The following PTK2 variants were observed in gnomAD, a reference collection of about 807,000 sequenced individuals.
The protein encoded by PTK2 is focal adhesion kinase 1.
Under a neutral mutation model 150.1 loss-of-function variants are expected in PTK2, and 45 were observed. That is an observed-to-expected ratio of 0.30 (90% CI 0.24 to 0.38). PTK2 has a LOEUF of 0.38. Ranked by LOEUF, PTK2 falls within the 10% of genes least tolerant of loss-of-function variation. The pLI is 1.00. For missense variants in PTK2, 919 were observed against 1,307.3 expected, an observed-to-expected ratio of 0.70 and a Z score of 4.58; for synonymous variants, 432 against 449.2, an observed-to-expected ratio of 0.96 and a Z score of 0.48.
chr8:140,730,954 C>T (rs200352723), intron 22 of PTK2, among the ~76,000 whole-genome samples: 52 of 15,352 alleles, frequency 3.4e-3, no homozygotes, highest in African/African-American at 0.021. Context: ...TTAAATTAAA[C>T]CCCCCCCCCC....
At chr8:140,658,063 A>G (rs944920701) in exon 32 of PTK2, 3 of 152,090 alleles carry the variant, frequency 2.0e-5, no homozygotes, top group African/African-American at 7.2e-5. Flanking sequence ...AAATGCTAAC[A>G]ATTTCCTTGA....
chr8:140,914,900 G>A (rs1437861120), intron 2 of PTK2, among the ~76,000 whole-genome samples: 1 of 151,888 alleles, frequency 6.6e-6, no homozygotes, highest in Non-Finnish European at 1.5e-5. Flanking sequence ...GGGCATAGTG[G>A]TGCATGCCTG....
intron 14 of PTK2, among the ~76,000 whole-genome samples, chr8:140,779,542 G>A (rs951693282): frequency 6.6e-6 from 1 of 152,148 alleles, no homozygotes; most frequent in South Asian, 2.1e-4. Flanking sequence ...GAGGCACCAA[G>A]GGGTATCAGT....
rs1263226512 is a variant in PTK2 at position 140,870,744 on chromosome 8, T to A, written c.363-6345A>T. ...CACCTAATTTGGATCCTAATTCAAA[T>A]AATTTATCTTTAAAAATTTTGTCAT... On this transcript the variant is annotated intron_variant, in intron 4 of 31. Transcript: ENST00000522684. 2.6e-5 allele frequency among the ~76,000 whole-genome samples: 4 copies of A among 152,356 alleles called. No homozygotes were observed. In the East Asian group the frequency reaches 7.7e-4, roughly 29 times the overall value.
At chr8:140,960,045 C>CA (rs1197164744) in intron 1 of PTK2, among the ~76,000 whole-genome samples, 5 of 149,956 alleles carry the variant, frequency 3.3e-5, no homozygotes, top group East Asian at 1.9e-4. Flanking sequence ...CCAACAACAA[C>CA]AAAAAAAACC....
In PTK2 at chr8:140,793,346, G is replaced by C; in HGVS notation, c.1124+8C>G. 6.2e-7 allele frequency: 1 copy of C among 1,606,914 alleles called. No individual in the cohort carries two copies. The highest frequency in any genetic ancestry group is 8.5e-7 in the Non-Finnish European group (1 of 1,177,830). ...ACAAAATAACAGTACAAAAAAAGCA[G>C]TACTTACTTTGGTATTGATGGCAAA... On this transcript the variant is annotated splice_region_variant and intron_variant, in intron 13 of 31. Transcript: ENST00000522684.
intron 29 of PTK2, chr8:140,669,728 C>T: frequency 1.3e-6 from 2 of 1,534,246 alleles, no homozygotes; most frequent in Non-Finnish European, 8.7e-7. Context: ...TGTGCTTACC[C>T]TCCATGGCTA....
intron 1 of PTK2, among the ~76,000 whole-genome samples, chr8:140,931,064 C>CT (rs1400214273): frequency 1.7e-5 from 2 of 120,142 alleles, no homozygotes; most frequent in East Asian, 5.4e-4. Flanking sequence ...GAGCGAGACT[C>CT]TGTCTCAAAA....
chr8:140,945,479 G>A (rs1472199868), intron 1 of PTK2, among the ~76,000 whole-genome samples: 1 of 152,130 alleles, frequency 6.6e-6, no homozygotes, highest in East Asian at 1.9e-4. Flanking sequence ...TCAGCTACTT[G>A]GGAGGTTGAG....
At chr8:140,740,705 T>C (rs2154433470) in intron 20 of PTK2, among the ~76,000 whole-genome samples, 1 of 152,342 alleles carries the variant, frequency 6.6e-6, no homozygotes, top group African/African-American at 2.4e-5. Context: ...TTCTAGGACT[T>C]GGGACAGTTA....
Position 140,717,717 on chromosome 8 carries a change from G to A in PTK2, c.2031-8C>T. On this transcript the variant is annotated splice_polypyrimidine_tract_variant and splice_region_variant and intron_variant, in intron 22 of 31. Coordinates refer to ENST00000522684, the Ensembl canonical transcript of PTK2. ...TCTTCCTCCAGGATTGTGCTAGAGA[G>A]ACAACACATTGTCTTAGGGGAGCTG... 6.2e-7 allele frequency: 1 copy of A among 1,610,722 alleles called. No homozygotes were observed. The highest frequency in any genetic ancestry group is 8.5e-7 in the Non-Finnish European group (1 of 1,177,024).
chr8:140,678,927 T>C (rs1356228709), intron 27 of PTK2, among the ~76,000 whole-genome samples: 1 of 151,382 alleles, frequency 6.6e-6, no homozygotes, highest in Non-Finnish European at 1.5e-5. Context: ...CTTTTTTTTT[T>C]AATTTAAAAA....
chr8:140,970,773 A>T (rs2154609639), intron 1 of PTK2, among the ~76,000 whole-genome samples: 1 of 152,262 alleles, frequency 6.6e-6, no homozygotes, highest in East Asian at 1.9e-4. Flanking sequence ...TCTCAATCAG[A>T]TGTCATCACT....
At position 140,769,460 on chromosome 8, in the gene PTK2, T is replaced by C. The variant is rs550092403; in HGVS notation, c.1178-5170A>G. On this transcript the variant is annotated intron_variant, in intron 14 of 31. Coordinates refer to ENST00000522684, the Ensembl canonical transcript of PTK2. Reference sequence around the variant, plus strand: ...TTAAAATATTTTGCATACCATTTTGTACTTGGTTCTGTTGGATCAAAAGCA... The same window carrying C: ...TTAAAATATTTTGCATACCATTTTGCACTTGGTTCTGTTGGATCAAAAGCA... 63 of 558,348 alleles carry C rather than the reference T, an allele frequency of 1.1e-4. No homozygotes were observed. The African/African-American group carries it at 1.2e-3, about 11-fold the overall frequency. 34.6% of individuals were successfully genotyped at this position (558,348 alleles called of 1,614,324 possible).
At chr8:140,659,002 C>A (rs2075863766) in exon 32 of PTK2, 2 of 226,468 alleles carry the variant, frequency 8.8e-6, no homozygotes, top group Non-Finnish European at 1.8e-5. Flanking sequence ...ACAAAAATTC[C>A]AGTCTGGATA....
chr8:140,804,756 C>T (rs748204832), intron 10 of PTK2, among the ~76,000 whole-genome samples: 8 of 152,172 alleles, frequency 5.3e-5, no homozygotes, highest in Non-Finnish European at 1.2e-4. Context: ...ACTGGGCTGC[C>T]CTTCCCAGCA....
rs557352626 is a variant in PTK2, at chr8:140,858,337, T to C, written c.450+5975A>G. Among the ~76,000 whole-genome samples the C allele has an allele frequency of 4.1e-5, 6 of 146,722 alleles. No individual in the cohort carries two copies. The East Asian group carries it at 8.0e-4, about 20-fold the overall frequency. On this transcript the variant is annotated intron_variant, in intron 5 of 31. Coordinates refer to ENST00000522684, the Ensembl canonical transcript of PTK2. ...AAACTAAGAAAAGGTCATATCAGAA[T>C]AGACAACAACTAAGAGATTTCCAGA...
At chr8:140,686,343 C>T (rs1306611788) in intron 27 of PTK2, among the ~76,000 whole-genome samples, 2 of 152,012 alleles carry the variant, frequency 1.3e-5, no homozygotes, top group Non-Finnish European at 2.9e-5. Flanking sequence ...ATAACAAACC[C>T]TTGCAACATG....
chr8:140,835,465 T>G (rs1163116395), intron 7 of PTK2, among the ~76,000 whole-genome samples: 4 of 152,348 alleles, frequency 2.6e-5, no homozygotes, highest in Non-Finnish European at 4.4e-5. Flanking sequence ...CTGTCAGAAT[T>G]GAGTATATTT....
Sources: allele counts gnomAD v4.1 joint callset (sites outside exome capture counted in the v4.1 genomes callset), GRCh38; gene constraint gnomAD v4.1.1; transcripts MANE v1.5; gene names NCBI Gene and HGNC (gene_info 2026-07-23, HGNC 2026-07-21).